DACH2: variants seen among roughly 807,000 people sequenced by gnomAD.
DACH2 encodes the protein dachshund homolog 2.
DACH2 carries 17 observed loss-of-function variants against 35.8 expected under a neutral mutation model. That is an observed-to-expected ratio of 0.48 (90% CI 0.33 to 0.71). The LOEUF (loss-of-function observed/expected upper bound fraction) is 0.71, where lower values mean the gene tolerates loss of function less well. Among genes scored for constraint, DACH2 ranks in the 30% least tolerant of loss-of-function variants. The pLI, the probability that DACH2 is intolerant of heterozygous loss-of-function variation, is 0.02. For missense variants in DACH2, 469 were observed against 472.7 expected, an observed-to-expected ratio of 0.99 and a Z score of 0.07; for synonymous variants, 195 against 177.3, an observed-to-expected ratio of 1.10 and a Z score of -0.79.
chrX:86,451,622 A>G (rs944588572), intron 2 of DACH2, among the ~76,000 whole-genome samples: 1 of 111,495 alleles, frequency 9.0e-6, no homozygotes, highest in Non-Finnish European at 1.9e-5. Context: ...ATGAAAATAG[A>G]TTTGAATCTA....
intron 2 of DACH2, among the ~76,000 whole-genome samples, chrX:86,478,542 C>CTTTTTTTTTTTTTTTTTTTTTTTTTTT (rs767463672): frequency 1.2e-5 from 1 of 86,943 alleles, no homozygotes; most frequent in African/African-American, 4.2e-5. Context: ...TTTTGTTTTT[C>CTTTTTTTTTTTTTTTTTTTTTTTTTTT]TTTTTTTTTT....
intron 2 of DACH2, among the ~76,000 whole-genome samples, chrX:86,507,203 A>G (rs1437259586): frequency 9.0e-6 from 1 of 111,318 alleles, no homozygotes; most frequent in Non-Finnish European, 1.9e-5. Flanking sequence ...AAGATATCCT[A>G]AATTGTAATA....
chrX:86,591,328 G>T (rs961715789), intron 3 of DACH2, among the ~76,000 whole-genome samples: 1 of 111,257 alleles, frequency 9.0e-6, no homozygotes, highest in African/African-American at 3.3e-5. Context: ...AATCCTTTGG[G>T]TATACACCCA....
intron 1 of DACH2, among the ~76,000 whole-genome samples, chrX:86,302,347 G>A (rs1338954632): frequency 3.6e-5 from 4 of 111,498 alleles, no homozygotes; most frequent in Non-Finnish European, 7.5e-5. Context: ...TATTTATAAA[G>A]AGAACTAGTG....
At chrX:86,520,307 G>A (rs575355245) in intron 3 of DACH2, among the ~76,000 whole-genome samples, 79 of 111,482 alleles carry the variant, frequency 7.1e-4, no homozygotes, top group African/African-American at 2.4e-3. Context: ...AATTTGTCGA[G>A]GATTGTTTTA....
intron 4 of DACH2, among the ~76,000 whole-genome samples, chrX:86,654,680 C>T (rs1017926278): frequency 9.0e-6 from 1 of 111,134 alleles, no homozygotes; most frequent in African/African-American, 3.3e-5. Flanking sequence ...TTACTATGTG[C>T]TAAGTATCTC....
chrX:86,469,524 T>C (rs2148220539), intron 2 of DACH2, among the ~76,000 whole-genome samples: 1 of 111,098 alleles, frequency 9.0e-6, no homozygotes, highest in South Asian at 3.8e-4. Context: ...TAATTTGATA[T>C]TGTCTAGTAT....
At chrX:86,309,697 C>A (rs188791167) in intron 1 of DACH2, among the ~76,000 whole-genome samples, 60 of 111,992 alleles carry the variant, frequency 5.4e-4, no homozygotes, top group African/African-American at 1.9e-3. Flanking sequence ...TGGTTTGGGG[C>A]CTGTTGAGAT....
intron 2 of DACH2, among the ~76,000 whole-genome samples, chrX:86,468,120 G>A (rs937268176): frequency 9.0e-6 from 1 of 111,560 alleles, no homozygotes; most frequent in East Asian, 2.8e-4. Context: ...AATTACTACA[G>A]CCATCCTACA....
At chrX:86,291,528 T>A (rs2147998982) in intron 1 of DACH2, among the ~76,000 whole-genome samples, 1 of 107,297 alleles carries the variant, frequency 9.3e-6, no homozygotes, top group South Asian at 4.2e-4. Context: ...TGCTTCCAGT[T>A]TTTGCCCATT....
intron 2 of DACH2, among the ~76,000 whole-genome samples, chrX:86,382,102 G>T (rs1412042821): frequency 9.1e-6 from 1 of 110,260 alleles, no homozygotes; most frequent in Admixed American, 9.7e-5. Context: ...AGCAGAGAGA[G>T]GACTCAGGTT....
chrX:86,631,832 AT>A (rs897889975), intron 3 of DACH2, among the ~76,000 whole-genome samples: 7 of 109,230 alleles, frequency 6.4e-5, no homozygotes, highest in East Asian at 2.9e-4. Context: ...GCAAGCCATC[AT>A]TTTTTTTTCA....
chrX:86,593,635 C>T (rs1277898499), intron 3 of DACH2, among the ~76,000 whole-genome samples: 1 of 109,097 alleles, frequency 9.2e-6, no homozygotes, highest in Non-Finnish European at 1.9e-5. Context: ...CCATGTTGAC[C>T]AGGCTGATCT....
intron 1 of DACH2, among the ~76,000 whole-genome samples, chrX:86,277,662 G>T (rs1481096730): frequency 1.8e-5 from 2 of 111,868 alleles, no homozygotes; most frequent in African/African-American, 6.5e-5. Context: ...TGCAGTGGTG[G>T]TTCAAGAAGT....
intron 1 of DACH2, among the ~76,000 whole-genome samples, chrX:86,187,028 G>A (rs1278219509): frequency 8.9e-6 from 1 of 111,766 alleles, no homozygotes; most frequent in Non-Finnish European, 1.9e-5. Context: ...CTAGTCATTG[G>A]ATAATGTTTC....
chrX:86,180,948 C>T (rs1453118374), intron 1 of DACH2, among the ~76,000 whole-genome samples: 1 of 110,704 alleles, frequency 9.0e-6, no homozygotes, highest in African/African-American at 3.3e-5. Flanking sequence ...GCACCAAATT[C>T]CAAAGGGCCA....
chrX:86,359,717 C>G (rs985791206), intron 1 of DACH2, among the ~76,000 whole-genome samples: 5 of 109,649 alleles, frequency 4.6e-5, no homozygotes, highest in Admixed American at 9.9e-5. Flanking sequence ...CCACTATACT[C>G]CAGCCTTGTG....
intron 1 of DACH2, among the ~76,000 whole-genome samples, chrX:86,171,280 A>G (rs957017917): frequency 2.7e-5 from 3 of 111,010 alleles, no homozygotes; most frequent in South Asian, 3.9e-4. Context: ...ACCAGGAGCC[A>G]TGCAGCCTGG....
chrX:86,293,952 T>A (rs78148693), intron 1 of DACH2, among the ~76,000 whole-genome samples: 1 of 111,508 alleles, frequency 9.0e-6, no homozygotes, highest in African/African-American at 3.3e-5. Flanking sequence ...CTGTATTTCC[T>A]GAATCTGAAT....
Sources: gnomAD v4.1 joint callset for allele counts (sites outside exome capture counted in the v4.1 genomes callset) on GRCh38, gnomAD v4.1.1 for gene constraint, MANE v1.5 for transcripts, NCBI Gene and HGNC (gene_info 2026-07-23, HGNC 2026-07-21) for gene names.